Variants in FGGY observed in about 807,000 individuals in gnomAD.
The protein encoded by FGGY is FGGY carbohydrate kinase domain containing, also known as FGGY carbohydrate kinase domain-containing protein.
Under a neutral mutation model 71.3 loss-of-function variants are expected in FGGY, and 72 were observed. That is an observed-to-expected ratio of 1.01 (90% CI 0.84 to 1.23). The LOEUF (loss-of-function observed/expected upper bound fraction) is 1.23. Among genes scored for constraint, FGGY ranks in the 50% most tolerant of loss-of-function variants. The probability of loss-of-function intolerance (pLI) is 0.00; values close to 1 mark genes in which losing one functional copy is unlikely to be tolerated. For missense variants in FGGY, 668 were observed against 682.3 expected (o/e 0.98, Z 0.23); for synonymous variants, 251 against 250.3 (o/e 1.00, Z -0.02).
chr1:59,538,692 T>C (rs532150233), intron 7 of FGGY, among the ~76,000 whole-genome samples: 1 of 151,798 alleles, frequency 6.6e-6, no homozygotes, highest in Non-Finnish European at 1.5e-5. Context: ...ATGTCCTTTG[T>C]TAGGGACATG....
intron 6 of FGGY, among the ~76,000 whole-genome samples, chr1:59,504,383 G>GT (rs397822462): frequency 1.9e-5 from 1 of 51,624 alleles, no homozygotes; most frequent in African/African-American, 1.7e-4. Flanking sequence ...AGTTGTGGAA[G>GT]TTGGACTTGC....
chr1:59,319,249 G>T (rs2045970143), intron 1 of FGGY, among the ~76,000 whole-genome samples: 1 of 152,184 alleles, frequency 6.6e-6, no homozygotes. Context: ...ATAAAATGTG[G>T]TTGTAAAATG....
At chr1:59,730,323 T>C (rs893107819) in intron 14 of FGGY, among the ~76,000 whole-genome samples, 2 of 139,742 alleles carry the variant, frequency 1.4e-5, no homozygotes, top group African/African-American at 5.5e-5. Context: ...TTTTTTTTTT[T>C]GGAGTAAGGA....
intron 6 of FGGY, among the ~76,000 whole-genome samples, chr1:59,493,265 A>T (rs2093934399): frequency 6.6e-6 from 1 of 152,174 alleles, no homozygotes; most frequent in Admixed American, 6.6e-5. Context: ...ATATTACCAT[A>T]TGATCCAGCA....
At chr1:59,525,746 T>C (rs1169744145) in intron 7 of FGGY, among the ~76,000 whole-genome samples, 1 of 152,218 alleles carries the variant, frequency 6.6e-6, no homozygotes, top group Non-Finnish European at 1.5e-5. Context: ...CTTATAGAGC[T>C]TCTATCCTAC....
intron 8 of FGGY, among the ~76,000 whole-genome samples, chr1:59,598,523 T>G (rs1010478124): frequency 3.3e-5 from 5 of 152,202 alleles, no homozygotes; most frequent in African/African-American, 1.2e-4. Context: ...TATCCAAATT[T>G]GAGGACTGTT....
intron 3 of FGGY, among the ~76,000 whole-genome samples, chr1:59,343,625 A>G (rs1299669819): frequency 6.6e-6 from 1 of 152,188 alleles, no homozygotes; most frequent in Non-Finnish European, 1.5e-5. Flanking sequence ...TCTTCTTGAT[A>G]TCCTAGCATC....
At chr1:59,635,657 C>G (rs2096951648) in intron 10 of FGGY, among the ~76,000 whole-genome samples, 1 of 151,932 alleles carries the variant, frequency 6.6e-6, no homozygotes, top group South Asian at 2.1e-4. Flanking sequence ...AAGATGTTCT[C>G]AAGGCTTTTC....
At chr1:59,433,276 G>A (rs940314981) in intron 5 of FGGY, among the ~76,000 whole-genome samples, 5 of 152,172 alleles carry the variant, frequency 3.3e-5, no homozygotes, top group African/African-American at 1.2e-4. Flanking sequence ...TCCATGCATT[G>A]CCAGCTATCT....
intron 4 of FGGY, among the ~76,000 whole-genome samples, chr1:59,368,002 A>G (rs1201400470): frequency 6.6e-6 from 1 of 152,230 alleles, no homozygotes; most frequent in African/African-American, 2.4e-5. Context: ...CTTTTGTGCC[A>G]AGTCATATAA....
chr1:59,671,106 TAAG>T (rs2153975916), intron 13 of FGGY, among the ~76,000 whole-genome samples: 1 of 152,312 alleles, frequency 6.6e-6, no homozygotes, highest in African/African-American at 2.4e-5. Flanking sequence ...ACAGGGATGC[TAAG>T]AAGAACAGTA....
At chr1:59,583,009 G>C (rs1380203897) in intron 8 of FGGY, among the ~76,000 whole-genome samples, 1 of 115,926 alleles carries the variant, frequency 8.6e-6, no homozygotes, top group Non-Finnish European at 1.8e-5. Context: ...TGTCTGTAAT[G>C]CTCAGGTCCC....
chr1:59,649,998 G>C (rs748510503), intron 11 of FGGY, among the ~76,000 whole-genome samples: 3 of 148,124 alleles, frequency 2.0e-5, no homozygotes, highest in Admixed American at 2.0e-4. Context: ...TTCTGCATCT[G>C]TTGAGATAAT....
chr1:59,431,511 G>A (rs946305356), intron 5 of FGGY, among the ~76,000 whole-genome samples: 8 of 152,308 alleles, frequency 5.3e-5, no homozygotes, highest in Admixed American at 5.2e-4. Context: ...ACTAGATGTG[G>A]CTTAAATAAG....
intron 6 of FGGY, among the ~76,000 whole-genome samples, chr1:59,468,022 G>C (rs1373626415): frequency 6.6e-6 from 1 of 151,912 alleles, no homozygotes; most frequent in Non-Finnish European, 1.5e-5. Flanking sequence ...TTCTGCCTCA[G>C]CCTTCCGAGT....
At chr1:59,747,627 G>T (rs1167660810) in intron 14 of FGGY, among the ~76,000 whole-genome samples, 2 of 152,198 alleles carry the variant, frequency 1.3e-5, no homozygotes, top group Non-Finnish European at 2.9e-5. Flanking sequence ...TACTGATAAA[G>T]AAAGTGAGTC....
At chr1:59,351,656 G>T (rs139211662) in intron 4 of FGGY, among the ~76,000 whole-genome samples, 5 of 152,038 alleles carry the variant, frequency 3.3e-5, no homozygotes, top group Admixed American at 3.3e-4. Context: ...ACTCAATAAG[G>T]GGCTGTTACA....
At chr1:59,545,386 G>A (rs1433762978) in intron 7 of FGGY, among the ~76,000 whole-genome samples, 1 of 152,052 alleles carries the variant, frequency 6.6e-6, no homozygotes, top group Non-Finnish European at 1.5e-5. Flanking sequence ...TTTTTACAAA[G>A]TAATTTTTGT....
chr1:59,418,595 G>A (rs1284256718), intron 5 of FGGY, among the ~76,000 whole-genome samples: 1 of 152,186 alleles, frequency 6.6e-6, no homozygotes, highest in African/African-American at 2.4e-5. Flanking sequence ...CATGTGAAAA[G>A]AGGAGTGGGG....
Sources: gnomAD v4.1 joint callset for allele counts (sites outside exome capture counted in the v4.1 genomes callset) on GRCh38, gnomAD v4.1.1 for gene constraint, MANE v1.5 for transcripts, NCBI Gene and HGNC (gene_info 2026-07-23, HGNC 2026-07-21) for gene names.